Variants in NFIC observed in about 807,000 individuals in gnomAD.
NFIC encodes the protein nuclear factor 1 C-type.
In NFIC, 12 loss-of-function variants were observed where a neutral mutation model predicts 54.4. The observed-to-expected ratio is 0.22, with a 90% confidence interval of 0.14 to 0.36. NFIC has a LOEUF of 0.36. Ranked by LOEUF, NFIC falls within the 10% of genes least tolerant of loss-of-function variation. The pLI is 1.00. For missense variants in NFIC, 575 were observed against 718.2 expected (o/e 0.80, Z 2.28); for synonymous variants, 322 against 319.2 (o/e 1.01, Z -0.09).
intron 2 of NFIC, among the ~76,000 whole-genome samples, chr19:3,422,440 G>A (rs1227268006): frequency 5.3e-5 from 8 of 151,566 alleles, no homozygotes; most frequent in Non-Finnish European, 1.0e-4. Context: ...AAGTGAGGCC[G>A]GGCGCGGTGG....
intron 7 of NFIC, among the ~76,000 whole-genome samples, chr19:3,451,575 G>A (rs898832253): frequency 6.6e-6 from 1 of 151,188 alleles, no homozygotes; most frequent in Non-Finnish European, 1.5e-5. Context: ...AGGCTGTAGT[G>A]AGCCATGATC....
intron 2 of NFIC, among the ~76,000 whole-genome samples, chr19:3,420,584 T>A (rs1034483339): frequency 1.3e-5 from 2 of 151,548 alleles, no homozygotes; most frequent in African/African-American, 4.8e-5. Context: ...AATAAATAAA[T>A]AAAAGATACA....
chr19:3,386,688 C>T (rs1159036215), intron 2 of NFIC, among the ~76,000 whole-genome samples: 1 of 152,200 alleles, frequency 6.6e-6, no homozygotes, highest in Non-Finnish European at 1.5e-5. Context: ...GCCGTGGTCA[C>T]ACAGCCGAGA....
At chr19:3,377,779 A>C (rs1010593955) in intron 1 of NFIC, among the ~76,000 whole-genome samples, 1 of 151,860 alleles carries the variant, frequency 6.6e-6, no homozygotes, top group Non-Finnish European at 1.5e-5. Context: ...AACTATGCCC[A>C]ACTAATTATT....
chr19:3,445,167 A>G (rs951106222), intron 6 of NFIC, among the ~76,000 whole-genome samples: 12 of 151,732 alleles, frequency 7.9e-5, no homozygotes, highest in African/African-American at 2.7e-4. Flanking sequence ...AGGCATACAC[A>G]CATACATGCA....
At chr19:3,404,052 C>T (rs1432573950) in intron 2 of NFIC, among the ~76,000 whole-genome samples, 3 of 150,660 alleles carry the variant, frequency 2.0e-5, no homozygotes, top group Non-Finnish European at 4.4e-5. Context: ...CATCCCTTCC[C>T]GAACCTCTCC....
At chr19:3,415,369 C>T (rs754959508) in intron 2 of NFIC, among the ~76,000 whole-genome samples, 20 of 151,890 alleles carry the variant, frequency 1.3e-4, no homozygotes, top group Non-Finnish European at 2.5e-4. Context: ...AATCCTCCTG[C>T]CTCGGCCTCC....
At chr19:3,417,721 G>T (rs1046473654) in intron 2 of NFIC, among the ~76,000 whole-genome samples, 8 of 150,148 alleles carry the variant, frequency 5.3e-5, no homozygotes, top group Non-Finnish European at 4.4e-5. Context: ...TGCCTCCCGG[G>T]TTCACGCCAT....
chr19:3,361,654 C>T (rs1474148244), upstream of NFIC, among the ~76,000 whole-genome samples: 6 of 152,106 alleles, frequency 3.9e-5, no homozygotes, highest in African/African-American at 1.4e-4. Context: ...CAGAGGCCTC[C>T]CCCAACAACA....
intron 3 of NFIC, among the ~76,000 whole-genome samples, chr19:3,428,873 C>T (rs1026254125): frequency 2.0e-5 from 3 of 150,966 alleles, no homozygotes; most frequent in Non-Finnish European, 4.4e-5. Context: ...CAGCAGGAAA[C>T]GGCTCTGGCC....
chr19:3,448,798 C>T lies in NFIC; in HGVS notation c.959-216C>T, dbSNP rs1031780505. Among the ~76,000 whole-genome samples, 3 of 152,140 alleles carry T rather than the reference C, an allele frequency of 2.0e-5. No individual in the cohort carries two copies. In the East Asian group the frequency reaches 5.8e-4, roughly 29 times the overall value. On this transcript the variant is annotated intron_variant, in intron 6 of 10. Coordinates refer to ENST00000443272, the MANE Select transcript of NFIC (RefSeq NM_001245002.2). ...CACGTGTTGATACCCAGCTCTCCATCCCCCGGCTGTGCCGCCCTGGCTAGC... is the reference window on the plus strand; with the variant it reads ...CACGTGTTGATACCCAGCTCTCCATTCCCCGGCTGTGCCGCCCTGGCTAGC...
chr19:3,400,536 A>C (rs1013629695), intron 2 of NFIC, among the ~76,000 whole-genome samples: 1 of 151,956 alleles, frequency 6.6e-6, no homozygotes, highest in Non-Finnish European at 1.5e-5. Flanking sequence ...ATGGGCAAAG[A>C]ACAAGAAATA....
At chr19:3,419,611 A>G (rs2081921725) in intron 2 of NFIC, among the ~76,000 whole-genome samples, 1 of 152,086 alleles carries the variant, frequency 6.6e-6, no homozygotes, top group African/African-American at 2.4e-5. Context: ...TCTACTAAAA[A>G]TACAAAAATT....
intron 9 of NFIC, among the ~76,000 whole-genome samples, chr19:3,455,245 G>C (rs2121919348): frequency 6.6e-6 from 1 of 152,362 alleles, no homozygotes; most frequent in East Asian, 1.9e-4. Flanking sequence ...ATCATGCCCA[G>C]AGCCTGGTAT....
chr19:3,405,194 A>T (rs1369773240), intron 2 of NFIC, among the ~76,000 whole-genome samples: 1 of 152,222 alleles, frequency 6.6e-6, no homozygotes, highest in Non-Finnish European at 1.5e-5. Context: ...GACTTAAGGA[A>T]CGCAGGAAGG....
chr19:3,434,717 C>T (rs2074978), intron 5 of NFIC, among the ~76,000 whole-genome samples: 72,363 of 151,950 alleles, frequency 0.48, 19,227 homozygotes, highest in East Asian at 0.76. Context: ...GCAGGTCACA[C>T]TGTGTGTGCC....
intron 2 of NFIC, among the ~76,000 whole-genome samples, chr19:3,415,278 A>G (rs969266592): frequency 1.3e-5 from 2 of 150,482 alleles, no homozygotes; most frequent in African/African-American, 4.9e-5. Flanking sequence ...ACACCCAGCT[A>G]ATTTTTTTTT....
chr19:3,380,730 C>G (rs2081193346), intron 1 of NFIC, among the ~76,000 whole-genome samples: 1 of 148,758 alleles, frequency 6.7e-6, no homozygotes, highest in African/African-American at 2.5e-5. Flanking sequence ...CTCCTGGGCT[C>G]AAATGATCCT....
At chr19:3,462,398 A>T (rs2082655231) in intron 10 of NFIC, among the ~76,000 whole-genome samples, 1 of 152,204 alleles carries the variant, frequency 6.6e-6, no homozygotes, top group African/African-American at 2.4e-5. Flanking sequence ...ATAAAATAAT[A>T]AATAAAATAT....
Sources: allele counts gnomAD v4.1 joint callset (sites outside exome capture counted in the v4.1 genomes callset), GRCh38; gene constraint gnomAD v4.1.1; transcripts MANE v1.5; gene names NCBI Gene and HGNC (gene_info 2026-07-23, HGNC 2026-07-21).